The following NKD1 variants were observed in gnomAD, a reference collection of about 807,000 sequenced individuals.
NKD1 encodes protein naked cuticle homolog 1.
Under a neutral mutation model 56.0 loss-of-function variants are expected in NKD1, and 21 were observed. That is an observed-to-expected ratio of 0.38 (90% confidence interval 0.27 to 0.54). The LOEUF is 0.54. NKD1 is among the 20% of genes least tolerant of loss of function. The pLI is 0.82. For synonymous variants in NKD1, 263 were observed against 265.7 expected, an observed-to-expected ratio of 0.99 and a Z score of 0.10; for missense variants, 578 against 642.7, an observed-to-expected ratio of 0.90 and a Z score of 1.09.
intron 3 of NKD1, among the ~76,000 whole-genome samples, chr16:50,591,011 C>T (rs531442573): frequency 5.7e-4 from 86 of 151,778 alleles, no homozygotes; most frequent in Admixed American, 1.9e-3. Flanking sequence ...TCAGTAGAGA[C>T]GGAGTTTAAC....
At chr16:50,573,865 G>A (rs1410572585) in intron 3 of NKD1, 1 of 985,328 alleles carries the variant, frequency 1.0e-6, no homozygotes, top group Non-Finnish European at 1.2e-6. Context: ...GAGGGGAGCA[G>A]GGGCGGGGGT....
Position 50,647,504 on chromosome 16 carries a change from G to A in NKD1, c.*13723G>A, listed in dbSNP as rs1263219085. 1 of 152,192 alleles carries A rather than the reference G, an allele frequency of 6.6e-6. No homozygotes were observed. Among genetic ancestry groups the A allele is most frequent in the Non-Finnish European group, 1.5e-5 (1 of 68,048 alleles). 9.4% of individuals were successfully genotyped at this position (152,192 alleles called of 1,614,324 possible). On this transcript the variant is annotated 3_prime_UTR_variant, in exon 10 of 10. Transcript: ENST00000268459. ...GACTCAGGAGCAGGTTGTTGATTTT[G>A]AGGTGGTCCTGGGAAAGACAGGGAG... is the stretch of plus-strand genomic sequence containing the variant.
chr16:50,595,113 G>A (rs1961445897), intron 3 of NKD1, among the ~76,000 whole-genome samples: 1 of 152,176 alleles, frequency 6.6e-6, no homozygotes, highest in Non-Finnish European at 1.5e-5. Flanking sequence ...GGGTGTGTGG[G>A]GGCTCTTGTC....
At chr16:50,631,745 C>T (rs1036243917) in intron 8 of NKD1, among the ~76,000 whole-genome samples, 4 of 152,188 alleles carry the variant, frequency 2.6e-5, no homozygotes, top group African/African-American at 9.6e-5. Context: ...CAGCATCTCT[C>T]CCCACCCCTC....
intron 4 of NKD1, 47 bp from the exon 5 acceptor site, chr16:50,621,555 G>A: frequency 3.6e-6 from 5 of 1,406,702 alleles, no homozygotes; most frequent in Non-Finnish European, 5.0e-6. Context: ...TGGCTGCCCG[G>A]CGTCTGGACC....
At position 50,630,857 on chromosome 16, in the gene NKD1, C is replaced by A; in HGVS notation, c.642C>A (p.Thr214=). The change falls in exon 8 of 10, where the codon ACC becomes ACA. Residue 214 remains threonine (T), a synonymous_variant. Coordinates refer to ENST00000268459, the MANE Select transcript of NKD1 (RefSeq NM_033119.5). The part of the protein sequence containing the change: ...DLQSARPRAE[T]KPTEDLRSWE... The stretch of plus-strand genomic sequence containing the variant: ...AGAGCGCAAGGCCCCGAGCAGAGAC[C>A]AAGCCCACTGAGGACCTGCGGAGCT... 6.2e-7 allele frequency: 1 copy of A among 1,606,910 alleles called. No individual in the cohort carries two copies. Among genetic ancestry groups the A allele is most frequent in the South Asian group, 1.1e-5 (1 of 89,028 alleles).
chr16:50,568,848 C>G (rs1202647457), intron 3 of NKD1, among the ~76,000 whole-genome samples: 2 of 152,138 alleles, frequency 1.3e-5, no homozygotes, highest in African/African-American at 2.4e-5. Flanking sequence ...GCTTCTCTCC[C>G]CCAATGTGGA....
chr16:50,615,269 C>T (rs1961934895), intron 4 of NKD1, among the ~76,000 whole-genome samples: 1 of 152,222 alleles, frequency 6.6e-6, no homozygotes, highest in Non-Finnish European at 1.5e-5. Context: ...GGTTCTGCTA[C>T]TTACCGTTGT....
chr16:50,567,928 G>C (rs774908055), intron 3 of NKD1, among the ~76,000 whole-genome samples: 6 of 152,202 alleles, frequency 3.9e-5, no homozygotes, highest in Admixed American at 2.0e-4. Context: ...CAAGATTTTT[G>C]ACTTTCAGAA....
At position 50,549,483 on chromosome 16, in the gene NKD1, A is replaced by G. The variant is rs1960326472; in HGVS notation, c.120A>G (p.Arg40=). 6.2e-7 allele frequency: 1 copy of G among 1,610,022 alleles called. No individual in the cohort carries two copies. The highest frequency in any genetic ancestry group is 1.7e-4 in the Middle Eastern group (1 of 6,048). The change falls in exon 3 of 10, where the codon AGA becomes AGG. Residue 40 remains arginine, a synonymous_variant. Transcript: ENST00000268459. ...ARKGIEEWIG[R]QRCPGGVSGP... is the part of the protein sequence containing the mutation. ...AGGGCATCGAGGAGTGGATCGGGAG[A>G]CAGCGCTGCCCGGGCGGTGTCTCGG... is the stretch of plus-strand genomic sequence containing the variant.
chr16:50,608,514 T>G, intron 4 of NKD1, 154 bp downstream of exon 4: 1 of 679,392 alleles, frequency 1.5e-6, no homozygotes, highest in East Asian at 2.6e-5. Context: ...GAGGGTGGGA[T>G]GGAGGAGAGG....
At chr16:50,589,944 C>G (rs1294851437) in intron 3 of NKD1, among the ~76,000 whole-genome samples, 4 of 151,966 alleles carry the variant, frequency 2.6e-5, no homozygotes, top group Non-Finnish European at 5.9e-5. Flanking sequence ...CATTCCTGAG[C>G]TCAAGCAATC....
chr16:50,597,353 G>A (rs1217966884), intron 3 of NKD1, among the ~76,000 whole-genome samples: 1 of 152,136 alleles, frequency 6.6e-6, no homozygotes, highest in East Asian at 1.9e-4. Flanking sequence ...AGTTTGAGGT[G>A]CCTGTTGAGC....
chr16:50,619,122 C>T (rs776963428), intron 4 of NKD1, among the ~76,000 whole-genome samples: 5 of 152,236 alleles, frequency 3.3e-5, no homozygotes, highest in African/African-American at 4.8e-5. Context: ...CTTGCATCTC[C>T]AGCCAGGACC....
In NKD1 at chr16:50,633,937, C is replaced by G; in HGVS notation, c.*156C>G. On this transcript the variant is annotated 3_prime_UTR_variant, in exon 10 of 10. Coordinates refer to ENST00000268459, the MANE Select transcript of NKD1 (RefSeq NM_033119.5). The surrounding 1 kb of genome is among the most constrained non-coding windows in gnomAD (Gnocchi z 4.9). ...TTTAGCTAGCCTACATGTAGAAGAT[C>G]TATGGAAACACAGAACTAAACTTTT... is the stretch of plus-strand genomic sequence containing the variant. 3.8e-6 allele frequency: 2 copies of G among 525,646 alleles called. No homozygotes were observed. Among genetic ancestry groups the G allele is most frequent in the Non-Finnish European group, 6.8e-6 (2 of 295,226 alleles). The allele number at this position is 525,646 out of a possible 1,614,324, so 32.6% of individuals were successfully genotyped here. A position where few individuals can be genotyped will look rare whatever the true frequency, so the allele number is the denominator to read the frequency against.
At chr16:50,572,813 C>G (rs969123184) in intron 3 of NKD1, 1 of 901,680 alleles carries the variant, frequency 1.1e-6, no homozygotes, top group Admixed American at 6.2e-5. Flanking sequence ...CAGTTTCTTT[C>G]AAGCCCAGGA....
At chr16:50,610,796 C>T (rs572841747) in intron 4 of NKD1, among the ~76,000 whole-genome samples, 25 of 152,278 alleles carry the variant, frequency 1.6e-4, no homozygotes, top group African/African-American at 4.8e-4. Context: ...CAGCTGGGAG[C>T]GGGAGGGATG....
chr16:50,625,204 T>C, intron 5 of NKD1: 2 of 482,952 alleles, frequency 4.1e-6, no homozygotes, highest in South Asian at 5.0e-5. Flanking sequence ...CCACAGTGCC[T>C]CTTCTCAGAA....
Position 50,624,399 on chromosome 16 carries a change from G to A in NKD1, c.367-1086G>A, listed in dbSNP as rs757458309. Reference sequence around the variant, plus strand: ...TGAAAATGATAATAATGAAATGATTGTTTCATTGATTATTGATTGAAATAA... The same window carrying A: ...TGAAAATGATAATAATGAAATGATTATTTCATTGATTATTGATTGAAATAA... On this transcript the variant is annotated intron_variant, in intron 5 of 9. Coordinates refer to ENST00000268459, the MANE Select transcript of NKD1 (RefSeq NM_033119.5). Among the ~76,000 whole-genome samples the A allele has an allele frequency of 3.9e-4, 60 of 152,318 alleles. 1 individual carries two copies. Among genetic ancestry groups the A allele is most frequent in the Admixed American group, 2.0e-4 (3 of 15,298 alleles).
Sources: allele counts gnomAD v4.1 joint callset (sites outside exome capture counted in the v4.1 genomes callset), GRCh38; gene constraint gnomAD v4.1.1; non-coding constraint Gnocchi (gnomAD v3.1); transcripts MANE v1.5; gene names NCBI Gene and HGNC (gene_info 2026-07-23, HGNC 2026-07-21).